Variants in SOS1 observed in about 807,000 individuals in gnomAD.
The protein encoded by SOS1 is son of sevenless homolog 1.
SOS1 carries 25 observed loss-of-function variants against 157.6 expected under a neutral mutation model. That is an observed-to-expected ratio of 0.16 (90% CI 0.12 to 0.22). The LOEUF (loss-of-function observed/expected upper bound fraction) is 0.22, where lower values mean the gene tolerates loss of function less well. SOS1 is among the 10% of genes least tolerant of loss of function. The pLI is 1.00. For missense variants in SOS1, 1,237 were observed against 1,599.1 expected, an observed-to-expected ratio of 0.77 and a Z score of 3.86; for synonymous variants, 528 against 534.0, an observed-to-expected ratio of 0.99 and a Z score of 0.16.
intron 6 of SOS1, among the ~76,000 whole-genome samples, chr2:39,036,885 G>A (rs771627245): frequency 3.3e-5 from 5 of 151,364 alleles, no homozygotes; most frequent in Non-Finnish European, 5.9e-5. Context: ...TGACCAGGCT[G>A]GTCTTGATCT....
chr2:38,990,319 C>T (rs559225343), intron 20 of SOS1, among the ~76,000 whole-genome samples: 5 of 152,078 alleles, frequency 3.3e-5, no homozygotes, highest in South Asian at 2.1e-4. Flanking sequence ...ATCTGATTTC[C>T]GTATGTACTG....
chr2:39,098,354 C>A, intron 1 of SOS1: 1 of 249,636 alleles, frequency 4.0e-6, no homozygotes, highest in South Asian at 5.3e-5. Flanking sequence ...TTTCTGGAAG[C>A]ATGTCTCCTT....
chr2:39,089,848 C>G (rs931713241), intron 1 of SOS1, among the ~76,000 whole-genome samples: 2 of 151,596 alleles, frequency 1.3e-5, no homozygotes, highest in African/African-American at 4.9e-5. Context: ...AACTCTGGGC[C>G]AGGCACAGCG....
At chr2:39,020,151 A>C (rs1175527499) in intron 10 of SOS1, among the ~76,000 whole-genome samples, 1 of 151,536 alleles carries the variant, frequency 6.6e-6, no homozygotes, top group Non-Finnish European at 1.5e-5. Context: ...GAAATCATAT[A>C]ATCTTCAGGG....
At chr2:39,114,018 C>A (rs1346007910) in intron 1 of SOS1, among the ~76,000 whole-genome samples, 1 of 152,242 alleles carries the variant, frequency 6.6e-6, no homozygotes, top group African/African-American at 2.4e-5. Context: ...CCCTTAGCTG[C>A]CAAACTTAAC....
intron 17 of SOS1, among the ~76,000 whole-genome samples, chr2:39,004,798 C>A (rs1046846209): frequency 1.7e-4 from 26 of 151,840 alleles, no homozygotes; most frequent in African/African-American, 6.3e-4. Flanking sequence ...TGAAAAAAAT[C>A]TCCACAGTAA....
chr2:39,047,723 T>C (rs977729108), intron 6 of SOS1, among the ~76,000 whole-genome samples: 5 of 152,314 alleles, frequency 3.3e-5, no homozygotes, highest in African/African-American at 1.2e-4. Flanking sequence ...CAGGCTGGAG[T>C]ACAGTGGTGT....
At chr2:38,990,035 T>C (rs1668682386) in intron 20 of SOS1, among the ~76,000 whole-genome samples, 1 of 152,114 alleles carries the variant, frequency 6.6e-6, no homozygotes, top group African/African-American at 2.4e-5. Flanking sequence ...AGGTGATCTA[T>C]ACTGATTCTA....
intron 1 of SOS1, among the ~76,000 whole-genome samples, chr2:39,077,431 A>C (rs1325376794): frequency 6.6e-6 from 1 of 152,172 alleles, no homozygotes; most frequent in East Asian, 1.9e-4. Flanking sequence ...ATATCTCAAG[A>C]TGTCAATTGT....
At chr2:39,123,658 G>A (rs1267253496), upstream of SOS1, among the ~76,000 whole-genome samples, 2 of 152,018 alleles carry the variant, frequency 1.3e-5, no homozygotes, top group Admixed American at 6.6e-5. Context: ...GCGCCCGGCC[G>A]AGATCAACAA....
intron 4 of SOS1, 25 bp from the exon 5 acceptor site, chr2:39,054,848 G>C (rs1476721252): frequency 1.7e-6 from 2 of 1,147,102 alleles, no homozygotes; most frequent in Non-Finnish European, 2.6e-6. Context: ...ATATAAAAAA[G>C]TATAATAAAA....
intron 2 of SOS1, among the ~76,000 whole-genome samples, chr2:39,062,496 GA>G (rs146849851): frequency 6.9e-6 from 1 of 145,164 alleles, no homozygotes; most frequent in Non-Finnish European, 1.5e-5. Flanking sequence ...GATTCCAAGG[GA>G]AAAAAAGCTA....
intron 6 of SOS1, among the ~76,000 whole-genome samples, chr2:39,045,276 G>GTGTC (rs1255616143): frequency 5.5e-5 from 8 of 146,546 alleles, no homozygotes; most frequent in Admixed American, 2.0e-4. Context: ...GAGAGAGAGT[G>GTGTC]TGTGTGTGTG....
chr2:39,113,449 T>A (rs907555419), intron 1 of SOS1, among the ~76,000 whole-genome samples: 1 of 151,870 alleles, frequency 6.6e-6, no homozygotes. Flanking sequence ...CCCAAAGTGT[T>A]GGCGTCAATA....
At chr2:39,056,200 C>T (rs927345318) in intron 4 of SOS1, among the ~76,000 whole-genome samples, 24 of 151,930 alleles carry the variant, frequency 1.6e-4, no homozygotes, top group African/African-American at 5.1e-4. Flanking sequence ...GAGGCCAAGG[C>T]GGTCAGGAGT....
chr2:39,104,286 T>C (rs942547256), intron 1 of SOS1, among the ~76,000 whole-genome samples: 1 of 141,012 alleles, frequency 7.1e-6, no homozygotes, highest in African/African-American at 3.2e-5. Context: ...TCATCTCAAA[T>C]AAATAAATAA....
chr2:39,087,267 T>C lies in SOS1; in HGVS notation c.88-19514A>G, dbSNP rs1672414612. ...TATTTATTAAGTATTAACATAGTAA[T>C]ACTTCATAAGAATACTTTCCTAGAC... On this transcript the variant is annotated intron_variant, in intron 1 of 22. Transcript: ENST00000402219. Among the ~76,000 whole-genome samples, 3 of 152,226 alleles carry C rather than the reference T, an allele frequency of 2.0e-5. No homozygotes were observed. The South Asian group carries it at 6.2e-4, about 32-fold the overall frequency.
Position 39,120,415 on chromosome 2 carries a change from G to A in SOS1, c.8C>T (p.Ala3Val), listed in dbSNP as rs745455374. Residue 3 changes from alanine to valine, a missense_variant, in exon 1 of 23, where the codon GCG becomes GTG. Ala to Val is a moderately conservative substitution (Grantham distance 64). Coordinates refer to ENST00000402219, the MANE Select transcript of SOS1 (RefSeq NM_005633.4). ...GAAAAACTCGTAGGGCAGCTGCTGC[G>A]CCTGCATGGTGCCCCCGGGGCGCCT... MQ[A>V]QQLPYEFFSE... is the part of the protein sequence containing the mutation. 2 of 1,590,234 alleles carry A rather than the reference G, an allele frequency of 1.3e-6. No homozygotes were observed. The highest frequency in any genetic ancestry group is 2.3e-5 in the South Asian group (2 of 88,632).
rs770175415 is a variant in SOS1 at position 39,024,021 on chromosome 2, T to C, written c.1191A>G (p.Lys397=). The C allele has an allele frequency of 1.9e-6, 3 of 1,599,988 alleles. No individual in the cohort carries two copies. Among genetic ancestry groups the C allele is most frequent in the Admixed American group, 3.3e-5 (2 of 59,958 alleles). Residue 397 remains lysine (K), a synonymous_variant, in exon 9 of 23, where the codon AAA becomes AAG. Coordinates refer to ENST00000402219, the MANE Select transcript of SOS1 (RefSeq NM_005633.4). ...MEKICSKSLA[K]RRLSESACRF... is the part of the protein sequence containing the mutation. ...GTAAAAATATTCACCTCAGTCTTCGTTTTGCAAGACTTTTAGAACATATTT... is the reference window on the plus strand; with the variant it reads ...GTAAAAATATTCACCTCAGTCTTCGCTTTGCAAGACTTTTAGAACATATTT...
Sources: gnomAD v4.1 joint callset for allele counts (sites outside exome capture counted in the v4.1 genomes callset) on GRCh38, gnomAD v4.1.1 for gene constraint, MANE v1.5 for transcripts, NCBI Gene and HGNC (gene_info 2026-07-23, HGNC 2026-07-21) for gene names.